The following MMRN1 variants were observed in gnomAD, a reference collection of about 807,000 sequenced individuals.
The protein encoded by MMRN1 is multimerin 1.
A neutral mutation model predicts 100.7 loss-of-function variants in MMRN1; 94 were observed. The observed-to-expected ratio is 0.93, with a 90% confidence interval of 0.79 to 1.11. The LOEUF is 1.11. MMRN1 is among the 50% of genes least tolerant of loss of function. The pLI is 0.00. For missense variants in MMRN1, 1,606 were observed against 1,439.1 expected (o/e 1.12, Z -1.88); for synonymous variants, 575 against 505.0 (o/e 1.14, Z -1.86).
chr4:89,892,157 A>G (rs973362152), upstream of MMRN1, among the ~76,000 whole-genome samples: 16 of 151,868 alleles, frequency 1.1e-4, no homozygotes, highest in African/African-American at 3.1e-4. Context: ...TATGTTTATG[A>G]TACAATGAAA....
intron 1 of MMRN1, among the ~76,000 whole-genome samples, chr4:89,880,528 G>A (rs1323585696): frequency 6.6e-6 from 1 of 152,138 alleles, no homozygotes; most frequent in Non-Finnish European, 1.5e-5. Flanking sequence ...CAGAAAAGGT[G>A]AGTCACATAG....
upstream of MMRN1, among the ~76,000 whole-genome samples, chr4:89,893,700 T>C (rs1290605390): frequency 6.6e-6 from 1 of 152,156 alleles, no homozygotes; most frequent in Non-Finnish European, 1.5e-5. Context: ...CAGCAAAGAA[T>C]ATTTTTGTTT....
chr4:89,914,649 G>C (rs1273461173), intron 3 of MMRN1, among the ~76,000 whole-genome samples: 1 of 151,406 alleles, frequency 6.6e-6, no homozygotes, highest in Non-Finnish European at 1.5e-5. Context: ...TGAGGAGTGA[G>C]TCATCAAAGA....
intron 6 of MMRN1, among the ~76,000 whole-genome samples, chr4:89,937,712 A>G (rs1053315590): frequency 3.9e-5 from 6 of 152,086 alleles, no homozygotes; most frequent in South Asian, 2.1e-4. Flanking sequence ...CTGTAAAAAA[A>G]TCCACGATCT....
At position 89,888,104 on chromosome 4, in the gene MMRN1, A is replaced by G. The variant is rs77727612; in HGVS notation, c.-248-6620A>G. Among the ~76,000 whole-genome samples, 1,054 of 152,004 alleles carry G rather than the reference A, an allele frequency of 6.9e-3. 33 individuals carry two copies. The East Asian group carries it at 0.1, about 15-fold the overall frequency. On this transcript the variant is annotated intron_variant, in intron 1 of 8. Transcript: ENST00000394980. The stretch of plus-strand genomic sequence containing the variant: ...TTTTTAATTGATAAGATAATATCAA[A>G]TTTGTTTACATATATATTTAACTTT...
upstream of MMRN1, among the ~76,000 whole-genome samples, chr4:89,893,561 T>C (rs1389365984): frequency 6.6e-6 from 1 of 152,116 alleles, no homozygotes; most frequent in Non-Finnish European, 1.5e-5. Flanking sequence ...AAATAAAATC[T>C]AATAATAGTT....
Position 89,953,043 on chromosome 4 carries a change from TG to T in MMRN1, c.3313del (p.Ala1105HisfsTer7). On this transcript the variant is annotated frameshift_variant, in exon 8 of 8. Coordinates refer to ENST00000264790, the MANE Select transcript of MMRN1 (RefSeq NM_007351.3). LOFTEE classifies it high-confidence loss of function. ...YRYAPMVAFF[A>X]SHTYGMTIPG... Reference sequence around the variant, plus strand: ...GATATGCACCCATGGTGGCATTTTTTGCATCTCATACGTATGGAATGACTAT... The same window carrying T: ...GATATGCACCCATGGTGGCATTTTTTCATCTCATACGTATGGAATGACTAT... 6.2e-7 allele frequency: 1 copy of T among 1,612,078 alleles called. No individual in the cohort carries two copies. The highest frequency in any genetic ancestry group is 1.1e-5 in the South Asian group (1 of 90,518).
chr4:89,893,886 T>A (rs1206169289), upstream of MMRN1, among the ~76,000 whole-genome samples: 1 of 152,098 alleles, frequency 6.6e-6, no homozygotes, highest in Non-Finnish European at 1.5e-5. Flanking sequence ...AAGAGGTTAA[T>A]TGAAATCTGA....
At chr4:89,926,668 C>T (rs184316682) in intron 4 of MMRN1, among the ~76,000 whole-genome samples, 29 of 152,138 alleles carry the variant, frequency 1.9e-4, no homozygotes, top group Admixed American at 1.5e-3. Context: ...CTTTGAGTGC[C>T]TGTGGTTGTG....
chr4:89,912,079 C>A (rs747446979), intron 3 of MMRN1, 29 bp downstream of exon 3: 1 of 1,424,224 alleles, frequency 7.0e-7, no homozygotes, highest in South Asian at 1.3e-5. Context: ...AATCACAATT[C>A]TGAACAATAA....
intron 1 of MMRN1, among the ~76,000 whole-genome samples, chr4:89,881,855 G>A (rs770071443): frequency 7.9e-5 from 12 of 151,844 alleles, no homozygotes; most frequent in African/African-American, 2.4e-4. Context: ...GTGTAATAAC[G>A]TATGCATTAA....
upstream of MMRN1, among the ~76,000 whole-genome samples, chr4:89,893,352 C>A (rs1300427112): frequency 6.6e-6 from 1 of 151,752 alleles, no homozygotes; most frequent in East Asian, 1.9e-4. Flanking sequence ...AAATAAATGG[C>A]AAAGATTGAG....
At chr4:89,898,777 G>T (rs574058778) in intron 1 of MMRN1, among the ~76,000 whole-genome samples, 36 of 152,028 alleles carry the variant, frequency 2.4e-4, no homozygotes, top group Non-Finnish European at 4.6e-4. Flanking sequence ...ACTCCAGGAA[G>T]CCTTCTCAGG....
At chr4:89,950,644 T>G (rs994940041) in intron 6 of MMRN1, among the ~76,000 whole-genome samples, 3 of 152,172 alleles carry the variant, frequency 2.0e-5, no homozygotes, top group Non-Finnish European at 4.4e-5. Flanking sequence ...GTTCAATGAT[T>G]TGCCTACTGA....
At position 89,917,544 on chromosome 4, in the gene MMRN1, C is replaced by A. The variant is rs184253386; in HGVS notation, c.850+5494C>A. Among the ~76,000 whole-genome samples the A allele has an allele frequency of 3.2e-3, 486 of 152,022 alleles. 2 individuals carry two copies. The highest frequency in any genetic ancestry group is 9.9e-3 in the African/African-American group (413 of 41,516). ...GCATTGTCTATAATACAGTCTAAAACTACAGACCAAGTAATATACATCATA... is the reference window on the plus strand; with the variant it reads ...GCATTGTCTATAATACAGTCTAAAAATACAGACCAAGTAATATACATCATA... On this transcript the variant is annotated intron_variant, in intron 3 of 7. Transcript: ENST00000264790.
At chr4:89,899,013 G>C (rs149760613) in intron 1 of MMRN1, among the ~76,000 whole-genome samples, 1 of 152,016 alleles carries the variant, frequency 6.6e-6, no homozygotes, top group Non-Finnish European at 1.5e-5. Context: ...AAAGAAGAAA[G>C]CTTCCCAAAT....
chr4:89,893,200 T>C (rs77262772), upstream of MMRN1, among the ~76,000 whole-genome samples: 3,897 of 152,148 alleles, frequency 0.026, 85 homozygotes, highest in Non-Finnish European at 0.04. Flanking sequence ...TTTGCTCCTT[T>C]ACTAAGGCAA....
intron 5 of MMRN1, among the ~76,000 whole-genome samples, chr4:89,933,259 C>T (rs561292416): frequency 6.6e-6 from 1 of 152,212 alleles, no homozygotes; most frequent in African/African-American, 2.4e-5. Context: ...CATCTGAGAC[C>T]ATCTCAGCCT....
Position 89,895,022 on chromosome 4 carries a change from C to T in MMRN1, c.51C>T (p.Gly17=). The T allele has an allele frequency of 6.2e-7, 1 of 1,613,776 alleles. No homozygotes were observed. Among genetic ancestry groups the T allele is most frequent in the Admixed American group, 1.7e-5 (1 of 59,986 alleles). The change falls in exon 1 of 8, where the codon GGC becomes GGT. Residue 17 remains glycine (G), a synonymous_variant. Coordinates refer to ENST00000264790, the MANE Select transcript of MMRN1 (RefSeq NM_007351.3). ...FVLLSSLWSG[G]IGLNNSKHSW... ...TTCTTTCTAGTTTATGGAGTGGGGG[C>T]ATTGGGCTTAACAACAGTAAGCATT...
Sources: allele counts gnomAD v4.1 joint callset (sites outside exome capture counted in the v4.1 genomes callset), GRCh38; gene constraint gnomAD v4.1.1; transcripts MANE v1.5; gene names NCBI Gene and HGNC (gene_info 2026-07-23, HGNC 2026-07-21).